Variants in GPM6B observed in about 807,000 individuals in gnomAD.
GPM6B encodes the protein glycoprotein M6B, also known as neuronal membrane glycoprotein M6-b.
A neutral mutation model predicts 27.2 loss-of-function variants in GPM6B; 4 were observed. That is an observed-to-expected ratio of 0.15 (90% CI 0.07 to 0.34). GPM6B has a LOEUF of 0.34. Among genes scored for constraint, GPM6B ranks in the 10% least tolerant of loss-of-function variants. The pLI is 1.00. For synonymous variants in GPM6B, 124 were observed against 103.1 expected, an observed-to-expected ratio of 1.20 and a Z score of -1.23; for missense variants, 183 against 261.9, an observed-to-expected ratio of 0.70 and a Z score of 2.08.
chrX:13,842,552 T>C (rs1178524597), intron 1 of GPM6B, among the ~76,000 whole-genome samples: 1 of 110,949 alleles, frequency 9.0e-6, no homozygotes, highest in Non-Finnish European at 1.9e-5. Flanking sequence ...AATTATTTTA[T>C]TGACCTGATC....
At chrX:13,874,475 A>G (rs2050012054) in intron 1 of GPM6B, among the ~76,000 whole-genome samples, 1 of 107,554 alleles carries the variant, frequency 9.3e-6, no homozygotes, top group African/African-American at 3.4e-5. Context: ...AGATGGGTGG[A>G]TCACTTGAGG....
chrX:13,820,313 T>G (rs1477312095), upstream of GPM6B, among the ~76,000 whole-genome samples: 2 of 108,944 alleles, frequency 1.8e-5, no homozygotes, highest in East Asian at 5.8e-4. Flanking sequence ...TGAGTAGGGG[T>G]GGAGGAGGAT....
intron 1 of GPM6B, among the ~76,000 whole-genome samples, chrX:13,884,253 C>T (rs2050113169): frequency 1.8e-5 from 2 of 112,673 alleles, no homozygotes; most frequent in Non-Finnish European, 3.7e-5. Context: ...GGCTGCTAAC[C>T]TTAAAAAAGT....
chrX:13,915,278 T>TAAAAAA (rs57417145), intron 1 of GPM6B, among the ~76,000 whole-genome samples: 1 of 80,535 alleles, frequency 1.2e-5, no homozygotes, highest in Non-Finnish European at 2.3e-5. Flanking sequence ...AAAAAATGTG[T>TAAAAAA]AAAAAAAAAA....
At chrX:13,776,767 C>T (rs2048420677) in intron 6 of GPM6B, among the ~76,000 whole-genome samples, 1 of 112,352 alleles carries the variant, frequency 8.9e-6, no homozygotes, top group Non-Finnish European at 1.9e-5. Flanking sequence ...TAAACAGTTA[C>T]AAGCCAATGA....
rs949719367 is a variant in GPM6B, at chrX:13,775,601, A to G, written c.837+637T>C. On this transcript the variant is annotated intron_variant, in intron 7 of 7. Coordinates refer to ENST00000316715, the MANE Select transcript of GPM6B (RefSeq NM_001001995.3). Reference sequence around the variant, plus strand: ...CATTAGAGAAGCTTCATTCAGGCATAGGGATAGAGCTATTGGCCATGAATT... The same window carrying G: ...CATTAGAGAAGCTTCATTCAGGCATGGGGATAGAGCTATTGGCCATGAATT... Among the ~76,000 whole-genome samples, 10 of 112,363 alleles carry G rather than the reference A, an allele frequency of 8.9e-5. No individual in the cohort carries two copies. The East Asian group carries it at 2.5e-3, about 28-fold the overall frequency.
At chrX:13,880,694 C>T (rs1464944041) in intron 1 of GPM6B, among the ~76,000 whole-genome samples, 1 of 67,497 alleles carries the variant, frequency 1.5e-5, no homozygotes, top group Non-Finnish European at 2.4e-5. Flanking sequence ...AAAAAAAAGG[C>T]AAATCAGGTT....
chrX:13,918,358 T>C (rs1397401659), intron 1 of GPM6B, among the ~76,000 whole-genome samples: 1 of 112,537 alleles, frequency 8.9e-6, no homozygotes, highest in Non-Finnish European at 1.9e-5. Flanking sequence ...ATAACTACCT[T>C]GGTCATTAAG....
chrX:13,877,824 C>CAAAAAAAAAAAAAAAAAAA lies in GPM6B; in HGVS notation c.-198+60484_-198+60502dup, dbSNP rs761891419. On this transcript the variant is annotated intron_variant, in intron 1 of 6. Transcript: ENST00000398361. ...CCTGGGCATTAGAGCCAGACTCTGC[C>CAAAAAAAAAAAAAAAAAAA]AAAAAAAAAAAAAAAAAAAAAAAAA... Among the ~76,000 whole-genome samples the CAAAAAAAAAAAAAAAAAAA allele has an allele frequency of 3.6e-4, 10 of 27,462 alleles. 2 individuals are homozygous for CAAAAAAAAAAAAAAAAAAA. Among genetic ancestry groups the CAAAAAAAAAAAAAAAAAAA allele is most frequent in the African/African-American group, 5.5e-4 (3 of 5,455 alleles). 23.8% of individuals were successfully genotyped at this position (27,462 alleles called of 115,157 possible). A position where few individuals can be genotyped will look rare whatever the true frequency, so the allele number is the denominator to read the frequency against.
chrX:13,936,403 G>A (rs754307021), intron 1 of GPM6B, among the ~76,000 whole-genome samples: 1 of 111,870 alleles, frequency 8.9e-6, no homozygotes, highest in Non-Finnish European at 1.9e-5. Flanking sequence ...AACTGATCCT[G>A]GTTAAGGAAC....
At chrX:13,929,094 T>A (rs1272752634) in intron 1 of GPM6B, among the ~76,000 whole-genome samples, 1 of 112,524 alleles carries the variant, frequency 8.9e-6, no homozygotes. Context: ...CTGGTTAGAT[T>A]TGATTACAGC....
At chrX:13,906,929 G>T (rs960058886) in intron 1 of GPM6B, among the ~76,000 whole-genome samples, 5 of 112,026 alleles carry the variant, frequency 4.5e-5, no homozygotes, top group African/African-American at 1.6e-4. Flanking sequence ...GTCATCTCCA[G>T]ATTGATTCAG....
At chrX:13,916,872 C>T (rs2050435166) in intron 1 of GPM6B, among the ~76,000 whole-genome samples, 1 of 110,903 alleles carries the variant, frequency 9.0e-6, no homozygotes, top group Admixed American at 9.7e-5. Flanking sequence ...CTTAATATGC[C>T]CCATATCACA....
At chrX:13,887,369 G>A (rs1462294866) in intron 1 of GPM6B, among the ~76,000 whole-genome samples, 2 of 111,949 alleles carry the variant, frequency 1.8e-5, no homozygotes, top group African/African-American at 6.5e-5. Context: ...GATTACACAA[G>A]ACACACTGGT....
Position 13,772,813 on chromosome X carries a change from C to A in GPM6B, c.*68G>T. 2 of 1,061,144 alleles carry A rather than the reference C, an allele frequency of 1.9e-6. No homozygotes were observed. The highest frequency in any genetic ancestry group is 4.1e-5 in the South Asian group (2 of 48,781). The allele number at this position is 1,061,144 out of a possible 1,213,427, so 87.5% of individuals were successfully genotyped here. A position where few individuals can be genotyped will look rare whatever the true frequency, so the allele number is the denominator to read the frequency against. ...TAGTTTGGTGGGATACACATCTGTA[C>A]TGCAGAGCAGCTGTCTGATGATTTG... On this transcript the variant is annotated 3_prime_UTR_variant, in exon 8 of 8. Coordinates refer to ENST00000316715, the MANE Select transcript of GPM6B (RefSeq NM_001001995.3).
chrX:13,863,107 G>A (rs2049871516), intron 1 of GPM6B, among the ~76,000 whole-genome samples: 1 of 112,008 alleles, frequency 8.9e-6, no homozygotes, highest in Admixed American at 9.5e-5. Context: ...TGGATAGGCA[G>A]TAGGCAGAAT....
chrX:13,772,970 G>C lies in GPM6B; in HGVS notation c.898C>G (p.Gln300Glu), dbSNP rs201197257. 4.6e-5 allele frequency: 55 copies of C among 1,207,097 alleles called. No homozygotes were observed. The highest frequency in any genetic ancestry group is 5.4e-5 in the Non-Finnish European group (48 of 892,622). ...TTTGCTTTGATATCCTGGTAAGCCT[G>C]CATTTTGCTCGCATCCTTTAAGTAA... Reference protein sequence around the residue: ...WAYLKDASKMQAYQDIKAKEE... With the variant: ...WAYLKDASKMEAYQDIKAKEE... Residue 300 changes from glutamine to glutamate, a missense_variant, in exon 8 of 8, where the codon CAG becomes GAG. By Grantham distance (29) the Gln-to-Glu change is conservative. Transcript: ENST00000316715.
chrX:13,806,565 C>G (rs1016758374), intron 2 of GPM6B, among the ~76,000 whole-genome samples: 1 of 111,799 alleles, frequency 8.9e-6, no homozygotes, highest in Non-Finnish European at 1.9e-5. Flanking sequence ...ATGCATAACC[C>G]AAGACAGAAC....
chrX:13,914,821 C>A (rs1217833629), intron 1 of GPM6B, among the ~76,000 whole-genome samples: 1 of 112,345 alleles, frequency 8.9e-6, no homozygotes, highest in Non-Finnish European at 1.9e-5. Context: ...GATGCTCCCA[C>A]TCTTCCTTTG....
Sources: gnomAD v4.1 joint callset for allele counts (sites outside exome capture counted in the v4.1 genomes callset) on GRCh38, gnomAD v4.1.1 for gene constraint, MANE v1.5 for transcripts, NCBI Gene and HGNC (gene_info 2026-07-23, HGNC 2026-07-21) for gene names.